Variants in CNTLN observed in about 807,000 individuals in gnomAD.
The protein encoded by CNTLN is centlein, centrosomal protein.
Under a neutral mutation model 180.0 loss-of-function variants are expected in CNTLN, and 212 were observed. The ratio of observed to expected loss-of-function variants is 1.18; its 90% CI spans 1.05 to 1.32. CNTLN has a LOEUF of 1.32. Among genes scored for constraint, CNTLN ranks in the 40% most tolerant of loss-of-function variants. The pLI, the probability that CNTLN is intolerant of heterozygous loss-of-function variation, is 0.00. For missense variants in CNTLN, 2,095 were observed against 1,610.9 expected, an observed-to-expected ratio of 1.30 and a Z score of -5.14; for synonymous variants, 722 against 563.1, an observed-to-expected ratio of 1.28 and a Z score of -3.99.
At chr9:17,430,291 C>T (rs1587973086) in intron 18 of CNTLN, among the ~76,000 whole-genome samples, 2 of 152,088 alleles carry the variant, frequency 1.3e-5, no homozygotes, top group East Asian at 3.9e-4. Context: ...TAATAAACTA[C>T]TCTTTTCAAT....
chr9:17,393,394 C>G (rs141271259), intron 14 of CNTLN, among the ~76,000 whole-genome samples: 62 of 152,216 alleles, frequency 4.1e-4, no homozygotes, highest in Non-Finnish European at 8.4e-4. Flanking sequence ...TATACTTTTT[C>G]AGTCATTTAG....
At chr9:17,459,866 C>A (rs1422891161) in intron 19 of CNTLN, among the ~76,000 whole-genome samples, 1 of 151,682 alleles carries the variant, frequency 6.6e-6, no homozygotes, top group African/African-American at 2.4e-5. Flanking sequence ...AAGGCCTTAT[C>A]TCCAAATACA....
intron 18 of CNTLN, among the ~76,000 whole-genome samples, chr9:17,456,867 C>T (rs963232743): frequency 1.1e-4 from 17 of 152,078 alleles, no homozygotes; most frequent in African/African-American, 4.1e-4. Context: ...TTCATAAAAA[C>T]ATTACTATTA....
intron 25 of CNTLN, among the ~76,000 whole-genome samples, chr9:17,493,949 A>T (rs1372012364): frequency 2.0e-5 from 3 of 152,200 alleles, no homozygotes. Flanking sequence ...TTAGCATGAG[A>T]AGAAGTTAGC....
chr9:17,256,534 T>C (rs919248792), intron 5 of CNTLN, among the ~76,000 whole-genome samples: 3 of 151,714 alleles, frequency 2.0e-5, no homozygotes, highest in African/African-American at 7.3e-5. Flanking sequence ...ATTTCTTTCA[T>C]GATTGTTGGC....
chr9:17,479,987 A>G (rs983760245), intron 23 of CNTLN, among the ~76,000 whole-genome samples: 1 of 152,148 alleles, frequency 6.6e-6, no homozygotes, highest in African/African-American at 2.4e-5. Context: ...CCAACCCCTT[A>G]TTCATGTTGG....
intron 12 of CNTLN, among the ~76,000 whole-genome samples, chr9:17,365,929 G>A (rs1823781055): frequency 6.6e-6 from 1 of 152,170 alleles, no homozygotes; most frequent in South Asian, 2.1e-4. Context: ...TTGGGTGACA[G>A]AGTGAGACTT....
intron 1 of CNTLN, among the ~76,000 whole-genome samples, chr9:17,136,986 T>G (rs1817762417): frequency 1.3e-5 from 2 of 152,226 alleles, no homozygotes; most frequent in African/African-American, 4.8e-5. Flanking sequence ...AGTTAGGCCT[T>G]TAGCTGGCTA....
intron 5 of CNTLN, among the ~76,000 whole-genome samples, chr9:17,268,548 C>T (rs1827681657): frequency 6.6e-6 from 1 of 152,172 alleles, no homozygotes; most frequent in South Asian, 2.1e-4. Flanking sequence ...GCTGCGAGAA[C>T]CACTACTCTC....
chr9:17,341,676 C>T (rs117969143), intron 11 of CNTLN, among the ~76,000 whole-genome samples: 6 of 152,158 alleles, frequency 3.9e-5, no homozygotes, highest in African/African-American at 1.2e-4. Context: ...TTGGCCAGTA[C>T]GGCACTTTTA....
At chr9:17,453,138 C>G (rs1830887688) in intron 18 of CNTLN, among the ~76,000 whole-genome samples, 1 of 151,980 alleles carries the variant, frequency 6.6e-6, no homozygotes, top group African/African-American at 2.4e-5. Context: ...ACAGCAAGAT[C>G]CCATATCTAC....
intron 18 of CNTLN, among the ~76,000 whole-genome samples, chr9:17,420,019 ATTC>A (rs751364493): frequency 4.6e-5 from 7 of 152,066 alleles, no homozygotes; most frequent in Non-Finnish European, 1.0e-4. Context: ...GGTTCAAGCA[ATTC>A]TTCTGGCTCA....
the CNTLN span, among the ~76,000 whole-genome samples, chr9:17,513,414 T>G: frequency 1.3e-5 from 2 of 152,100 alleles, no homozygotes; most frequent in African/African-American, 4.8e-5. Context: ...TAAAATATCA[T>G]GCTGGGTGCA....
intron 7 of CNTLN, chr9:17,300,950 A>C (rs1333270651): frequency 2.8e-5 from 27 of 978,754 alleles, no homozygotes; most frequent in South Asian, 9.5e-5. Flanking sequence ...CAACTCTTAC[A>C]GTTTAAAATT....
intron 3 of CNTLN, among the ~76,000 whole-genome samples, chr9:17,229,790 G>T (rs1442642338): frequency 2.0e-5 from 3 of 152,056 alleles, no homozygotes; most frequent in Non-Finnish European, 2.9e-5. Flanking sequence ...AACCAAATGG[G>T]TAAAAACAGC....
At chr9:17,435,268 G>T (rs1255593381) in intron 18 of CNTLN, among the ~76,000 whole-genome samples, 1 of 152,162 alleles carries the variant, frequency 6.6e-6, no homozygotes, top group African/African-American at 2.4e-5. Flanking sequence ...TGGAAAGAGA[G>T]GCACTCATTC....
chr9:17,524,428 T>C, the CNTLN span, among the ~76,000 whole-genome samples: 5 of 152,322 alleles, frequency 3.3e-5, no homozygotes, highest in Admixed American at 6.5e-5. Context: ...GTATTAGGGC[T>C]TCCATCAATT....
At chr9:17,269,379 A>G (rs1159462983) in intron 5 of CNTLN, among the ~76,000 whole-genome samples, 1 of 151,812 alleles carries the variant, frequency 6.6e-6, no homozygotes, top group Non-Finnish European at 1.5e-5. Context: ...TTCCTTTTTA[A>G]TGTACTACAT....
At chr9:17,222,347 GC>G (rs1198590821) in intron 2 of CNTLN, among the ~76,000 whole-genome samples, 8 of 151,966 alleles carry the variant, frequency 5.3e-5, no homozygotes, top group African/African-American at 1.9e-4. Context: ...GTTAGGCTCT[GC>G]GTCTCCACCC....
Sources: gnomAD v4.1 joint callset for allele counts (sites outside exome capture counted in the v4.1 genomes callset) on GRCh38, gnomAD v4.1.1 for gene constraint, MANE v1.5 for transcripts, NCBI Gene and HGNC (gene_info 2026-07-23, HGNC 2026-07-21) for gene names.